Variants in HDGF observed in about 807,000 individuals in gnomAD.
The protein encoded by HDGF is hepatoma-derived growth factor.
A neutral mutation model predicts 30.0 loss-of-function variants in HDGF; 5 were observed. That is an observed-to-expected ratio of 0.17 (90% CI 0.09 to 0.35). HDGF has a LOEUF of 0.35. HDGF is among the 10% of genes least tolerant of loss of function. HDGF has a pLI of 1.00. For missense variants in HDGF, 214 were observed against 302.8 expected, an observed-to-expected ratio of 0.71 and a Z score of 2.18; for synonymous variants, 133 against 112.7, an observed-to-expected ratio of 1.18 and a Z score of -1.14.
In HDGF at chr1:156,744,320, T is replaced by G. The variant is rs1231487248; in HGVS notation, c.332A>C (p.Glu111Ala). 1.2e-6 allele frequency: 2 copies of G among 1,614,002 alleles called. No homozygotes were observed. The highest frequency in any genetic ancestry group is 1.7e-6 in the Non-Finnish European group (2 of 1,180,028). Residue 111 changes from glutamate to alanine, a missense_variant, in exon 4 of 6, where the codon GAG becomes GCG. Physicochemically the swap from Glu to Ala is moderately radical, Grantham distance 107. Transcript: ENST00000357325. ...QSSQKKSCVE[E>A]PEPEPEAAEG... ...TGCAGCTTCGGGCTCTGGTTCAGGC[T>G]CTTCCACACAGCTCTTTTTCTGGGA...
At chr1:156,755,833 C>CT (rs1558039112), upstream of HDGF, among the ~76,000 whole-genome samples, 1 of 152,226 alleles carries the variant, frequency 6.6e-6, no homozygotes, top group Non-Finnish European at 1.5e-5. Flanking sequence ...AGATAACAGT[C>CT]TGAGTCCTGC....
intron 1 of HDGF, among the ~76,000 whole-genome samples, chr1:156,761,383 C>T (rs983148087): frequency 1.3e-5 from 2 of 150,988 alleles, no homozygotes; most frequent in Admixed American, 6.6e-5. Flanking sequence ...CTGAGGCCAG[C>T]GGATCATCTG....
rs1358299414 is a variant in HDGF, at chr1:156,742,487, C to G, written c.*962G>C. 1.3e-5 allele frequency: 2 copies of G among 152,620 alleles called. No homozygotes were observed. Among genetic ancestry groups the G allele is most frequent in the Non-Finnish European group, 2.9e-5 (2 of 68,068 alleles). The allele number at this position is 152,620 out of a possible 1,614,324, so 9.5% of individuals were successfully genotyped here. On this transcript the variant is annotated 3_prime_UTR_variant, in exon 6 of 6. Coordinates refer to ENST00000357325, the MANE Select transcript of HDGF (RefSeq NM_004494.3). Reference sequence around the variant, plus strand: ...AATGGGGGCAACGATGGGGAAGGAGCAGAATGGAGAGCACACAAAGGGTTA... The same window carrying G: ...AATGGGGGCAACGATGGGGAAGGAGGAGAATGGAGAGCACACAAAGGGTTA...
At chr1:156,749,525 C>T (rs1261688040) in intron 1 of HDGF, among the ~76,000 whole-genome samples, 2 of 152,146 alleles carry the variant, frequency 1.3e-5, no homozygotes, top group Non-Finnish European at 2.9e-5. Context: ...GGCTGATCTC[C>T]CTACCCCAGT....
chr1:156,754,636 C>G (rs1651125403), upstream of HDGF, among the ~76,000 whole-genome samples: 1 of 152,146 alleles, frequency 6.6e-6, no homozygotes, highest in Non-Finnish European at 1.5e-5. Context: ...ACCTGGGAAT[C>G]CCTTTTTAAA....
At chr1:156,745,472 T>A in intron 1 of HDGF, 99 bp from the exon 2 acceptor site, 1 of 977,594 alleles carries the variant, frequency 1.0e-6, no homozygotes, top group Admixed American at 2.2e-5. Context: ...AAAATCAGAC[T>A]GAGAGGGACC....
chr1:156,756,572 T>C (rs879553611), upstream of HDGF, among the ~76,000 whole-genome samples: 5 of 152,144 alleles, frequency 3.3e-5, no homozygotes, highest in Admixed American at 1.3e-4. Context: ...AGTTTTCTTA[T>C]CTGTAAAGGG....
chr1:156,764,184 C>T (rs1651308006), intron 1 of HDGF, among the ~76,000 whole-genome samples: 1 of 152,020 alleles, frequency 6.6e-6, no homozygotes, highest in African/African-American at 2.4e-5. Flanking sequence ...TCCTTAAGTG[C>T]TGGGATTACA....
upstream of HDGF, chr1:156,752,038 C>T (rs1651020114): frequency 1.9e-6 from 3 of 1,550,994 alleles, no homozygotes; most frequent in African/African-American, 1.4e-5. Context: ...GAGCGCTCAC[C>T]ACCGCGGCCC....
chr1:156,757,786 CA>C (rs60308399), intron 2 of HDGF, among the ~76,000 whole-genome samples: 8,123 of 85,254 alleles, frequency 0.095, 434 homozygotes, highest in African/African-American at 0.23. Flanking sequence ...GACTCTGTCT[CA>C]AAAAAAAAAA....
chr1:156,754,025 C>G (rs374300962), upstream of HDGF, among the ~76,000 whole-genome samples: 2 of 152,000 alleles, frequency 1.3e-5, no homozygotes, highest in East Asian at 1.9e-4. Flanking sequence ...AAGCGATTCT[C>G]CTGCCCCAGC....
intron 3 of HDGF, chr1:156,744,711 G>GTATAGGACACAGCC: frequency 1.7e-6 from 1 of 601,250 alleles, no homozygotes; most frequent in Non-Finnish European, 2.8e-6. Flanking sequence ...TGTGGAAAGA[G>GTATAGGACACAGCC]TTAAGGCTGT....
upstream of HDGF, among the ~76,000 whole-genome samples, chr1:156,767,162 G>A (rs1290526337): frequency 6.6e-6 from 1 of 152,012 alleles, no homozygotes; most frequent in East Asian, 1.9e-4. Flanking sequence ...TTTCGTTCCC[G>A]ACATCACTTG....
chr1:156,751,738 C>CCTCCTCCTCCCTCCTCCCGGACCCA (rs1172473101), upstream of HDGF: 1 of 1,078,608 alleles, frequency 9.3e-7, no homozygotes, highest in South Asian at 3.2e-5. This position sits in a 1 kb window ranked among gnomAD's most constrained non-coding sequence, Gnocchi z 4.7. Context: ...GGTCCCCACT[C>CCTCCTCCTCCCTCCTCCCGGACCCA]CTCCTCCTCC....
At chr1:156,751,949 G>A, upstream of HDGF, 1 of 1,238,510 alleles carries the variant, frequency 8.1e-7, no homozygotes, top group Non-Finnish European at 1.1e-6. The surrounding 1 kb of genome is among the most constrained non-coding windows in gnomAD (Gnocchi z 4.7). Context: ...TGTGCCCGCG[G>A]TCGGTGGGTG....
Position 156,743,893 on chromosome 1 carries a change from C to G in HDGF, c.490-15G>C. ...TTAGGAGAGTCCTAGGCAGGATCAA[C>G]AGAGGAAGTGGGCTGAGGCTGGAGA... On this transcript the variant is annotated splice_polypyrimidine_tract_variant and intron_variant, in intron 4 of 5. Transcript: ENST00000357325. 1 of 1,593,536 alleles carries G rather than the reference C, an allele frequency of 6.3e-7. No homozygotes were observed. Among genetic ancestry groups the G allele is most frequent in the Non-Finnish European group, 8.6e-7 (1 of 1,161,402 alleles).
upstream of HDGF, among the ~76,000 whole-genome samples, chr1:156,755,850 C>CA (rs1490773517): frequency 6.6e-6 from 1 of 152,224 alleles, no homozygotes; most frequent in Non-Finnish European, 1.5e-5. Flanking sequence ...CTGCCACCAC[C>CA]ATGGACACTT....
upstream of HDGF, among the ~76,000 whole-genome samples, chr1:156,753,853 G>T (rs1213701913): frequency 1.3e-5 from 2 of 151,336 alleles, no homozygotes; most frequent in Admixed American, 6.6e-5. Flanking sequence ...TCCGGCCTAG[G>T]TCGTTATTAT....
At chr1:156,767,075 G>A (rs1200387672), upstream of HDGF, 1 of 152,228 alleles carries the variant, frequency 6.6e-6, no homozygotes, top group African/African-American at 2.4e-5. Context: ...CAGCCGACTG[G>A]GAAGCTTCAC....
Sources: gnomAD v4.1 joint callset for allele counts (sites outside exome capture counted in the v4.1 genomes callset) on GRCh38, gnomAD v4.1.1 for gene constraint, Gnocchi (gnomAD v3.1) non-coding constraint, MANE v1.5 for transcripts, NCBI Gene and HGNC (gene_info 2026-07-23, HGNC 2026-07-21) for gene names.